The following OSBPL3 variants were observed in gnomAD, a reference collection of about 807,000 sequenced individuals.
The protein encoded by OSBPL3 is oxysterol-binding protein-related protein 3.
In OSBPL3, 65 loss-of-function variants were observed where a neutral mutation model predicts 120.1. The ratio of observed to expected loss-of-function variants is 0.54; its 90% CI spans 0.44 to 0.67. The LOEUF (loss-of-function observed/expected upper bound fraction) is 0.67. Among genes scored for constraint, OSBPL3 ranks in the 30% least tolerant of loss-of-function variants. OSBPL3 has a pLI of 0.00. For synonymous variants in OSBPL3, 416 were observed against 402.6 expected, an observed-to-expected ratio of 1.03 and a Z score of -0.40; for missense variants, 1,004 against 1,082.1, an observed-to-expected ratio of 0.93 and a Z score of 1.01.
In OSBPL3 at chr7:24,813,858, G is replaced by C. The variant is rs1172879134; in HGVS notation, c.2172+1201C>G. Among the ~76,000 whole-genome samples, 1 of 152,202 alleles carries C rather than the reference G, an allele frequency of 6.6e-6. No individual in the cohort carries two copies. Among genetic ancestry groups the C allele is most frequent in the Non-Finnish European group, 1.5e-5 (1 of 68,036 alleles). ...AGAAAGCAGGGAGGGCCGCCAGCAA[G>C]GCTGTTAAAATGAGAGACCATTCCA... On this transcript the variant is annotated intron_variant, in intron 19 of 22. Transcript: ENST00000313367. The surrounding 1 kb of genome is among the most constrained non-coding windows in gnomAD (Gnocchi z 4.5).
intron 10 of OSBPL3, among the ~76,000 whole-genome samples, chr7:24,853,359 A>G (rs1799409993): frequency 6.6e-6 from 1 of 152,242 alleles, no homozygotes; most frequent in African/African-American, 2.4e-5. Context: ...AGCCAGGGCT[A>G]TGTAATCTGA....
intron 1 of OSBPL3, among the ~76,000 whole-genome samples, chr7:24,962,619 G>A (rs1815919518): frequency 6.6e-6 from 1 of 152,172 alleles, no homozygotes; most frequent in Non-Finnish European, 1.5e-5. Flanking sequence ...ACTAATATTT[G>A]CTAGGCATAT....
chr7:24,863,254 C>A lies in OSBPL3; in HGVS notation c.816G>T (p.Ser272=). The A allele has an allele frequency of 6.2e-7, 1 of 1,614,074 alleles. No homozygotes were observed. The highest frequency in any genetic ancestry group is 1.1e-5 in the South Asian group (1 of 91,082). The change falls in exon 9 of 23, where the codon TCG becomes TCT. Residue 272 remains serine, a synonymous_variant. Transcript: ENST00000313367. The surrounding 1 kb of genome is among the most constrained non-coding windows in gnomAD (Gnocchi z 5.8). ...TAGCTCTGGACCGCCACCTCCTGTG[C>A]GATCTTTTTTCCTTTTTGGGACTTT... ...SFESPKKEKR[S]HRRWRSRAIG... is the part of the protein sequence containing the mutation.
intron 2 of OSBPL3, among the ~76,000 whole-genome samples, chr7:24,886,869 C>G (rs1349345833): frequency 6.6e-6 from 1 of 152,138 alleles, no homozygotes; most frequent in Non-Finnish European, 1.5e-5. Context: ...TGAATCAACT[C>G]TAATCAGCCT....
At chr7:24,980,427 G>A (rs1818199772), upstream of OSBPL3, among the ~76,000 whole-genome samples, 1 of 152,150 alleles carries the variant, frequency 6.6e-6, no homozygotes, top group Non-Finnish European at 1.5e-5. Flanking sequence ...AGGGCGGAGG[G>A]AGGCGAGTCC....
At chr7:24,944,376 C>T (rs1356733489) in intron 1 of OSBPL3, among the ~76,000 whole-genome samples, 1 of 152,112 alleles carries the variant, frequency 6.6e-6, no homozygotes, top group African/African-American at 2.4e-5. Flanking sequence ...CGCCTGTAAT[C>T]CCAGCACTTT....
At chr7:24,842,244 T>G in intron 13 of OSBPL3, 35 bp downstream of exon 13, 2 of 1,601,068 alleles carry the variant, frequency 1.2e-6, no homozygotes, top group Non-Finnish European at 1.7e-6. Context: ...ACAAGAGAGA[T>G]TTTTGAGGCA....
Position 24,867,702 on chromosome 7 carries a change from G to C in OSBPL3, c.382-1465C>G, listed in dbSNP as rs2128272143. On this transcript the variant is annotated intron_variant, in intron 5 of 22. Transcript: ENST00000313367. The surrounding 1 kb of genome is among the most constrained non-coding windows in gnomAD (Gnocchi z 4.5). ...ACCTCTTTCTTTTGTAAATTGCCCA[G>C]TCTCGGGTATGTCTTTATCAGCAGT... Among the ~76,000 whole-genome samples, 1 of 152,120 alleles carries C rather than the reference G, an allele frequency of 6.6e-6. No individual in the cohort carries two copies. The highest frequency in any genetic ancestry group is 2.1e-4 in the South Asian group (1 of 4,812).
At chr7:24,836,544 G>A (rs1797017910) in intron 14 of OSBPL3, among the ~76,000 whole-genome samples, 1 of 152,038 alleles carries the variant, frequency 6.6e-6, no homozygotes, top group African/African-American at 2.4e-5. Flanking sequence ...CATATTTTAG[G>A]TATGCCAATC....
At chr7:24,976,288 T>C (rs544700175) in intron 1 of OSBPL3, among the ~76,000 whole-genome samples, 11 of 152,342 alleles carry the variant, frequency 7.2e-5, no homozygotes, top group African/African-American at 2.6e-4. Context: ...ATTAATGTTA[T>C]TATTCACTAT....
At chr7:24,816,130 T>A (rs955958307) in intron 18 of OSBPL3, among the ~76,000 whole-genome samples, 4 of 152,124 alleles carry the variant, frequency 2.6e-5, no homozygotes, top group African/African-American at 9.7e-5. Flanking sequence ...GCTCAAATGA[T>A]CCTCCCACCT....
chr7:24,823,412 C>T (rs1171102765), intron 16 of OSBPL3, among the ~76,000 whole-genome samples: 2 of 151,984 alleles, frequency 1.3e-5, no homozygotes, highest in African/African-American at 4.8e-5. Flanking sequence ...CTTAGGGCAG[C>T]CTTGTATCTT....
intron 1 of OSBPL3, among the ~76,000 whole-genome samples, chr7:24,944,562 G>A (rs1348362189): frequency 4.6e-5 from 7 of 151,322 alleles, no homozygotes; most frequent in East Asian, 1.9e-4. Context: ...CCCAGGAGGC[G>A]GAGGTTGCAG....
In OSBPL3 at chr7:24,967,781, C is replaced by T. The variant is rs972772518; in HGVS notation, c.-150+12105G>A. Among the ~76,000 whole-genome samples the T allele has an allele frequency of 1.3e-5, 2 of 152,194 alleles. No homozygotes were observed. The highest frequency in any genetic ancestry group is 2.9e-5 in the Non-Finnish European group (2 of 68,044). On this transcript the variant is annotated intron_variant, in intron 1 of 22. Coordinates refer to ENST00000313367, the MANE Select transcript of OSBPL3 (RefSeq NM_015550.4). This position sits in a 1 kb window ranked among gnomAD's most constrained non-coding sequence, Gnocchi z 5.6. Reference sequence around the variant, plus strand: ...TATAGGTAAAGGCCCCCTTAACTGTCACAATTTTAACTAAACTGCTGACTC... The same window carrying T: ...TATAGGTAAAGGCCCCCTTAACTGTTACAATTTTAACTAAACTGCTGACTC...
chr7:24,842,088 ACTTTTT>A (rs1797851157), intron 13 of OSBPL3, among the ~76,000 whole-genome samples, 185 bp downstream of exon 13: 1 of 152,164 alleles, frequency 6.6e-6, no homozygotes, highest in African/African-American at 2.4e-5. Flanking sequence ...CTCTACTTTT[ACTTTTT>A]CTTCTCACAT....
chr7:24,807,380 C>A (rs1793188673), intron 20 of OSBPL3, among the ~76,000 whole-genome samples: 1 of 152,072 alleles, frequency 6.6e-6, no homozygotes, highest in Non-Finnish European at 1.5e-5. Flanking sequence ...GTAATTCCAG[C>A]TACTTGGGAG....
chr7:24,838,699 G>A (rs1011541104), intron 14 of OSBPL3, among the ~76,000 whole-genome samples: 1 of 152,130 alleles, frequency 6.6e-6, no homozygotes, highest in Non-Finnish European at 1.5e-5. Context: ...CCTCTCCATA[G>A]ACTCAAAGAA....
At position 24,930,680 on chromosome 7, in the gene OSBPL3, G is replaced by C. The variant is rs1204807742; in HGVS notation, c.-149-38059C>G. On this transcript the variant is annotated intron_variant, in intron 1 of 22. Coordinates refer to ENST00000313367, the MANE Select transcript of OSBPL3 (RefSeq NM_015550.4). The surrounding 1 kb of genome is among the most constrained non-coding windows in gnomAD (Gnocchi z 4.4). ...AGGTTAACCTCTTAAAAAATTTAAT[G>C]AAAGTTATGGTCCAGTCTTTCCAGA... Among the ~76,000 whole-genome samples the C allele has an allele frequency of 1.3e-5, 2 of 152,146 alleles. No individual in the cohort carries two copies. The highest frequency in any genetic ancestry group is 4.8e-5 in the African/African-American group (2 of 41,436).
chr7:24,866,086 G>A lies in OSBPL3; in HGVS notation c.533C>T (p.Ser178Phe), dbSNP rs1461831425. ...ITDSSSGVFD[S>F]ISSRKRSSIS... is the part of the protein sequence containing the mutation. The stretch of plus-strand genomic sequence containing the variant: ...ACTCATTACCTTCCTACTTGAAATG[G>A]AGTCAAACACCCCAGATGAAGAGTC... Residue 178 changes from serine (S) to phenylalanine (F), a missense_variant, in exon 6 of 23, where the codon TCC (serine) becomes TTC (phenylalanine). Transcript: ENST00000313367. 3.1e-6 allele frequency: 5 copies of A among 1,613,618 alleles called. No homozygotes were observed. Among genetic ancestry groups the A allele is most frequent in the Non-Finnish European group, 4.2e-6 (5 of 1,179,672 alleles).
Sources: allele counts gnomAD v4.1 joint callset (sites outside exome capture counted in the v4.1 genomes callset), GRCh38; gene constraint gnomAD v4.1.1; non-coding constraint Gnocchi (gnomAD v3.1); transcripts MANE v1.5; gene names NCBI Gene and HGNC (gene_info 2026-07-23, HGNC 2026-07-21).